CACNA1C: variants seen among roughly 807,000 people sequenced by gnomAD.
The protein encoded by CACNA1C is voltage-dependent L-type calcium channel subunit alpha-1C.
In CACNA1C, 30 loss-of-function variants were observed where a neutral mutation model predicts 229.0. The ratio of observed to expected loss-of-function variants is 0.13; its 90% CI spans 0.10 to 0.18. The LOEUF is 0.18. Ranked by LOEUF, CACNA1C falls within the 10% of genes least tolerant of loss-of-function variation. CACNA1C has a pLI of 1.00. For synonymous variants in CACNA1C, 1,114 were observed against 1,132.5 expected (o/e 0.98, Z 0.33); for missense variants, 1,658 against 2,845.0 (o/e 0.58, Z 9.49).
intron 3 of CACNA1C, among the ~76,000 whole-genome samples, chr12:2,160,603 C>T (rs905711263): frequency 1.1e-4 from 17 of 152,140 alleles, no homozygotes; most frequent in Admixed American, 2.6e-4. Flanking sequence ...AATACTATGA[C>T]CCATCATCAC....
rs1425387099 is a variant in CACNA1C at position 2,696,124 on chromosome 12, GA to G, written c.*4926del. 6.6e-6 allele frequency: 1 copy of G among 152,166 alleles called. No individual in the cohort carries two copies. Among genetic ancestry groups the G allele is most frequent in the East Asian group, 1.9e-4 (1 of 5,186 alleles). The allele number at this position is 152,166 out of a possible 1,614,324, so 9.4% of individuals were successfully genotyped here. On this transcript the variant is annotated 3_prime_UTR_variant, in exon 47 of 47. Transcript: ENST00000399655. The stretch of plus-strand genomic sequence containing the variant: ...TACAATCAACACTTTTTCCTGGGAT[GA>G]CTTTAAGAGGTTTGAGCCACAGCAC...
At chr12:2,207,047 G>T (rs950790060) in intron 3 of CACNA1C, among the ~76,000 whole-genome samples, 1 of 152,180 alleles carries the variant, frequency 6.6e-6, no homozygotes, top group African/African-American at 2.4e-5. Context: ...GTGTTGTGTA[G>T]AGCCCGTCGA....
At chr12:2,089,773 A>G (rs192067803) in intron 1 of CACNA1C, among the ~76,000 whole-genome samples, 13 of 152,220 alleles carry the variant, frequency 8.5e-5, no homozygotes, top group South Asian at 8.3e-4. Flanking sequence ...GGTGGCTGAC[A>G]CCTGTAATCC....
At chr12:2,301,075 C>T (rs2094520916) in intron 3 of CACNA1C, among the ~76,000 whole-genome samples, 2 of 152,176 alleles carry the variant, frequency 1.3e-5, no homozygotes, top group African/African-American at 4.8e-5. Flanking sequence ...ACTCCGTGTC[C>T]TGTCGTGAGC....
chr12:2,107,938 G>A (rs751622945), intron 1 of CACNA1C, among the ~76,000 whole-genome samples: 8 of 152,170 alleles, frequency 5.3e-5, no homozygotes, highest in East Asian at 1.9e-4. Flanking sequence ...CAGTGTGGGC[G>A]CCTCTAGCCA....
At chr12:2,534,681 C>T (rs1236291741) in intron 9 of CACNA1C, among the ~76,000 whole-genome samples, 3 of 152,288 alleles carry the variant, frequency 2.0e-5, no homozygotes, top group Admixed American at 1.3e-4. Flanking sequence ...ATAGCCAGGC[C>T]ATTTGGGAAA....
At chr12:2,059,057 C>G (rs2056414942) in intron 1 of CACNA1C, among the ~76,000 whole-genome samples, 1 of 152,168 alleles carries the variant, frequency 6.6e-6, no homozygotes, top group Non-Finnish European at 1.5e-5. Flanking sequence ...CTACTGCCCC[C>G]TTTCCCCTGC....
chr12:2,497,207 C>A (rs73046236), intron 7 of CACNA1C, among the ~76,000 whole-genome samples: 6,881 of 152,302 alleles, frequency 0.045, 183 homozygotes, highest in East Asian at 0.14. Context: ...TAGGCATGCT[C>A]TGAGAATTCC....
At chr12:2,145,424 G>A (rs1359633350) in intron 3 of CACNA1C, among the ~76,000 whole-genome samples, 1 of 150,998 alleles carries the variant, frequency 6.6e-6, no homozygotes, top group Non-Finnish European at 1.5e-5. Flanking sequence ...TCAAACATTT[G>A]TAATTCTATA....
intron 21 of CACNA1C, among the ~76,000 whole-genome samples, chr12:2,598,236 C>T (rs2153380489): frequency 6.6e-6 from 1 of 152,284 alleles, no homozygotes; most frequent in East Asian, 1.9e-4. Context: ...CCTGAGCACC[C>T]AGCCCCCAGC....
chr12:2,021,721 G>A (rs935975786), intron 1 of CACNA1C, among the ~76,000 whole-genome samples: 18 of 152,088 alleles, frequency 1.2e-4, no homozygotes, highest in Non-Finnish European at 1.5e-5. Context: ...TCTGGAGGCT[G>A]GGAAGTCCAA....
At chr12:2,062,390 A>C (rs2057816687) in intron 1 of CACNA1C, among the ~76,000 whole-genome samples, 2 of 152,256 alleles carry the variant, frequency 1.3e-5, no homozygotes, top group African/African-American at 4.8e-5. Context: ...CCACCCAGAC[A>C]GTGTTGGGGC....
At chr12:2,290,999 A>G (rs1591829615) in intron 3 of CACNA1C, among the ~76,000 whole-genome samples, 1 of 152,230 alleles carries the variant, frequency 6.6e-6, no homozygotes, top group East Asian at 1.9e-4. Context: ...GGAGCTATGT[A>G]GACTGGATTC....
Position 2,688,705 on chromosome 12 carries a change from T to G in CACNA1C, c.6043T>G (p.Ser2015Ala). The stretch of plus-strand genomic sequence containing the variant: ...CGCCGCCCGGAGAGTCCGGCCCGTC[T>G]CCCTCATGGTGCCCAGCCAGGCTGG... ...SSAARRVRPV[S>A]LMVPSQAGAP... Residue 2015 changes from serine to alanine, a missense_variant, in exon 46 of 47, where the codon TCC becomes GCC. Around this residue, in one of 20 missense-constraint regions of CACNA1C, gnomAD observed 590 missense variants for 700.8 expected, o/e 0.84. Coordinates refer to ENST00000399655, the MANE Select transcript of CACNA1C (RefSeq NM_000719.7). The G allele has an allele frequency of 6.2e-7, 1 of 1,609,172 alleles. No individual in the cohort carries two copies. The highest frequency in any genetic ancestry group is 8.5e-7 in the Non-Finnish European group (1 of 1,177,724).
chr12:2,211,045 A>G (rs893774553), intron 3 of CACNA1C, among the ~76,000 whole-genome samples: 15 of 152,210 alleles, frequency 9.9e-5, no homozygotes, highest in Admixed American at 2.0e-4. Context: ...AAAGAGTTCT[A>G]TTCTCTAGTT....
At chr12:2,095,013 C>G (rs1464783482) in intron 1 of CACNA1C, among the ~76,000 whole-genome samples, 1 of 152,220 alleles carries the variant, frequency 6.6e-6, no homozygotes, top group Non-Finnish European at 1.5e-5. Context: ...ACTCTTGTCA[C>G]AACTCAGAGA....
rs1051931646 is a variant in CACNA1C, at chr12:2,696,655, G to A, written c.*5456G>A. Reference sequence around the variant, plus strand: ...GGAAGAGTTTGTAAGTTTTAAGAGAGGGTCATTTCTATGTGAGGAAATGCA... The same window carrying A: ...GGAAGAGTTTGTAAGTTTTAAGAGAAGGTCATTTCTATGTGAGGAAATGCA... On this transcript the variant is annotated 3_prime_UTR_variant, in exon 47 of 47. Transcript: ENST00000399655. 13 of 151,698 alleles carry A rather than the reference G, an allele frequency of 8.6e-5. No individual in the cohort carries two copies. The highest frequency in any genetic ancestry group is 3.2e-4 in the African/African-American group (13 of 41,268). The allele number at this position is 151,698 out of a possible 1,614,324, so 9.4% of individuals were successfully genotyped here.
rs546241284 is a variant in CACNA1C, at chr12:2,681,234, T to C, written c.5445-1316T>C. 6.3e-4 allele frequency among the ~76,000 whole-genome samples: 96 copies of C among 152,264 alleles called. 1 individual carries two copies. Among genetic ancestry groups the C allele is most frequent in the Non-Finnish European group, 1.9e-4 (13 of 67,996 alleles). On this transcript the variant is annotated intron_variant, in intron 42 of 46. Coordinates refer to ENST00000399655, the MANE Select transcript of CACNA1C (RefSeq NM_000719.7). ...AGGGGAGAGGGATGTTTAGAGGAGCTGGGGGAGGAGACCCCAGGGGATTTC... is the reference window on the plus strand; with the variant it reads ...AGGGGAGAGGGATGTTTAGAGGAGCCGGGGGAGGAGACCCCAGGGGATTTC...
intron 9 of CACNA1C, among the ~76,000 whole-genome samples, chr12:2,534,226 C>T (rs991457606): frequency 2.6e-5 from 4 of 152,096 alleles, no homozygotes; most frequent in Middle Eastern, 3.2e-3. Context: ...CAAGAGGAAC[C>T]GTGTGTGGCA....
Sources: gnomAD v4.1 joint callset for allele counts (sites outside exome capture counted in the v4.1 genomes callset) on GRCh38, gnomAD v4.1.1 for gene constraint, gnomAD v4.1.1 regional missense constraint, MANE v1.5 for transcripts, NCBI Gene and HGNC (gene_info 2026-07-23, HGNC 2026-07-21) for gene names.